The following CCDC179 variants were observed in gnomAD, a reference collection of about 807,000 sequenced individuals.
CCDC179 encodes coiled-coil domain-containing protein 179.
In CCDC179, 17 loss-of-function variants were observed where a neutral mutation model predicts 12.0. The observed-to-expected ratio is 1.42, with a 90% confidence interval of 0.97 to 2.13. CCDC179 has a LOEUF of 2.13. Ranked by LOEUF, CCDC179 falls within the 30% of genes most tolerant of loss-of-function variation. The pLI, the probability that CCDC179 is intolerant of heterozygous loss-of-function variation, is 0.00. For missense variants in CCDC179, 83 were observed against 78.6 expected, an observed-to-expected ratio of 1.06 and a Z score of -0.21; for synonymous variants, 27 against 26.4, an observed-to-expected ratio of 1.02 and a Z score of -0.07.
Position 22,857,927 on chromosome 11 carries a change from G to C in CCDC179, c.190C>G (p.Leu64Val). The change falls in exon 3 of 4, where the codon CTC (leucine) becomes GTC (valine). Residue 64 changes from leucine (L) to valine (V), a missense_variant. Transcript: ENST00000532798. The stretch of plus-strand genomic sequence containing the variant: ...AGTGAAACCTCTATACTTACTAGGA[G>C]TCCTGGTTCTGGAATAGGAGAAGGC... ...SRPSPIPEPGLLWSS is the reference protein window; with the variant it reads ...SRPSPIPEPGVLWSS 6.7e-7 allele frequency: 1 copy of C among 1,491,036 alleles called. No individual in the cohort carries two copies. Among genetic ancestry groups the C allele is most frequent in the Non-Finnish European group, 9.0e-7 (1 of 1,116,454 alleles). 92.4% of individuals were successfully genotyped at this position (1,491,036 alleles called of 1,614,324 possible).
At chr11:22,858,602 T>G (rs1218111078) in intron 2 of CCDC179, among the ~76,000 whole-genome samples, 1 of 152,032 alleles carries the variant, frequency 6.6e-6, no homozygotes, top group Non-Finnish European at 1.5e-5. Flanking sequence ...AACCAACTTT[T>G]TAAAAAATCC....
At chr11:22,855,002 T>A (rs1384080431) in intron 3 of CCDC179, among the ~76,000 whole-genome samples, 1 of 151,650 alleles carries the variant, frequency 6.6e-6, no homozygotes. Context: ...TGGGGTAAAA[T>A]TACATAGTAA....
intron 3 of CCDC179, among the ~76,000 whole-genome samples, chr11:22,850,598 T>TA (rs5790284): frequency 0.19 from 28,929 of 152,002 alleles, 3,208 homozygotes; most frequent in African/African-American, 0.31. Flanking sequence ...TCCCTCTGGG[T>TA]AGATACCCAG....
At chr11:22,858,399 T>C (rs1011911372) in intron 2 of CCDC179, among the ~76,000 whole-genome samples, 1 of 152,020 alleles carries the variant, frequency 6.6e-6, no homozygotes, top group African/African-American at 2.4e-5. Context: ...TATTCACTCC[T>C]TTGAAATGTT....
intron 3 of CCDC179, among the ~76,000 whole-genome samples, chr11:22,849,814 A>C (rs4922630): frequency 0.52 from 78,474 of 151,830 alleles, 20,679 homozygotes; most frequent in Middle Eastern, 0.7. Flanking sequence ...GTACCAAGAA[A>C]ATTTAGGACA....
intron 3 of CCDC179, among the ~76,000 whole-genome samples, chr11:22,854,189 C>G (rs1427662695): frequency 2.6e-5 from 4 of 151,624 alleles, no homozygotes; most frequent in African/African-American, 9.7e-5. Flanking sequence ...CTTGCCCACA[C>G]AGCAATAGTT....
intron 3 of CCDC179, among the ~76,000 whole-genome samples, chr11:22,849,617 A>G (rs925584673): frequency 6.6e-6 from 1 of 152,140 alleles, no homozygotes; most frequent in Non-Finnish European, 1.5e-5. Context: ...ACCCATCAAC[A>G]GACCAATATA....
intron 3 of CCDC179, among the ~76,000 whole-genome samples, chr11:22,856,507 C>G (rs931829872): frequency 3.3e-5 from 5 of 151,460 alleles, no homozygotes; most frequent in Non-Finnish European, 7.4e-5. Flanking sequence ...AGAGGGATGT[C>G]TTTCACTTCA....
intron 3 of CCDC179, among the ~76,000 whole-genome samples, chr11:22,852,561 C>T (rs920687593): frequency 6.6e-6 from 1 of 152,152 alleles, no homozygotes; most frequent in African/African-American, 2.4e-5. Context: ...CCACATGGAC[C>T]CAAGACTCTT....
chr11:22,859,526 C>T, intron 1 of CCDC179, 30 bp from the exon 2 acceptor site: 1 of 1,380,142 alleles, frequency 7.2e-7, no homozygotes, highest in Non-Finnish European at 9.5e-7. Context: ...AAAACACATT[C>T]ACACAAAAAA....
chr11:22,857,664 A>G (rs1172664542), intron 3 of CCDC179, among the ~76,000 whole-genome samples: 1 of 151,756 alleles, frequency 6.6e-6, no homozygotes, highest in Non-Finnish European at 1.5e-5. Context: ...GTCATCTAAC[A>G]TATGGCAAAA....
Position 22,847,443 on chromosome 11 carries a change from A to G in CCDC179, c.*67T>C. The G allele has an allele frequency of 9.9e-7, 1 of 1,013,860 alleles. No individual in the cohort carries two copies. Among genetic ancestry groups the G allele is most frequent in the South Asian group, 1.9e-5 (1 of 51,596 alleles). 62.8% of individuals were successfully genotyped at this position (1,013,860 alleles called of 1,614,324 possible). On this transcript the variant is annotated 3_prime_UTR_variant, in exon 4 of 4. Coordinates refer to ENST00000532798, the MANE Select transcript of CCDC179 (RefSeq NM_001195637.2). ...GTGGATGATCAATTCATGATATGTC[A>G]CTTGATGTTCACAATCCACATATTT...
chr11:22,853,545 A>G (rs1858461779), intron 3 of CCDC179, among the ~76,000 whole-genome samples: 1 of 152,090 alleles, frequency 6.6e-6, no homozygotes, highest in Non-Finnish European at 1.5e-5. Flanking sequence ...AAGATATGTA[A>G]ATAGAAACTT....
chr11:22,856,741 CCTGA>C (rs907479020), intron 3 of CCDC179, among the ~76,000 whole-genome samples: 10 of 151,376 alleles, frequency 6.6e-5, no homozygotes, highest in East Asian at 1.9e-4. Flanking sequence ...TCACAGACGA[CCTGA>C]CTAAGTAGAA....
At chr11:22,849,810 A>C (rs958343485) in intron 3 of CCDC179, among the ~76,000 whole-genome samples, 4 of 152,154 alleles carry the variant, frequency 2.6e-5, no homozygotes, top group Non-Finnish European at 5.9e-5. Flanking sequence ...TCCCGTACCA[A>C]GAAAATTTAG....
At chr11:22,857,521 C>A (rs761174605) in intron 3 of CCDC179, among the ~76,000 whole-genome samples, 5 of 151,656 alleles carry the variant, frequency 3.3e-5, no homozygotes, top group Non-Finnish European at 7.4e-5. Context: ...CGCTATGGAT[C>A]ATAAACCTAA....
intron 3 of CCDC179, among the ~76,000 whole-genome samples, chr11:22,848,910 G>C (rs1251468728): frequency 6.6e-6 from 1 of 152,108 alleles, no homozygotes; most frequent in Admixed American, 6.5e-5. Flanking sequence ...ATGACATTAT[G>C]AGCAATTGTC....
chr11:22,857,097 A>G (rs1267472749), intron 3 of CCDC179, among the ~76,000 whole-genome samples: 1 of 151,688 alleles, frequency 6.6e-6, no homozygotes, highest in Admixed American at 6.6e-5. Context: ...TTATTTCCAA[A>G]CTGATCCTTT....
At chr11:22,856,087 A>T (rs1404241520) in intron 3 of CCDC179, among the ~76,000 whole-genome samples, 1 of 151,500 alleles carries the variant, frequency 6.6e-6, no homozygotes, top group Non-Finnish European at 1.5e-5. Flanking sequence ...CTGATTACCA[A>T]ACATTTAAAA....
Sources: allele counts gnomAD v4.1 joint callset (sites outside exome capture counted in the v4.1 genomes callset), GRCh38; gene constraint gnomAD v4.1.1; transcripts MANE v1.5; gene names NCBI Gene and HGNC (gene_info 2026-07-23, HGNC 2026-07-21).